CEP85L: variants seen among roughly 807,000 people sequenced by gnomAD.
CEP85L encodes the protein centrosomal protein of 85 kDa-like.
Under a neutral mutation model 100.3 loss-of-function variants are expected in CEP85L, and 60 were observed. The observed-to-expected ratio is 0.60, with a 90% confidence interval of 0.49 to 0.74. CEP85L has a LOEUF of 0.74. Among genes scored for constraint, CEP85L ranks in the 30% least tolerant of loss-of-function variants. The probability of loss-of-function intolerance (pLI) is 0.00; values close to 1 mark genes in which losing one functional copy is unlikely to be tolerated. For missense variants in CEP85L, 973 were observed against 936.2 expected (o/e 1.04, Z -0.51); for synonymous variants, 319 against 322.7 (o/e 0.99, Z 0.12).
At chr6:118,653,234 T>C (rs2115392898), upstream of CEP85L, among the ~76,000 whole-genome samples, 1 of 152,310 alleles carries the variant, frequency 6.6e-6, no homozygotes, top group Non-Finnish European at 1.5e-5. Context: ...GGTGAAAGTA[T>C]CTAAAATATT....
At chr6:118,606,854 A>G (rs1045982252) in intron 2 of CEP85L, among the ~76,000 whole-genome samples, 3 of 152,188 alleles carry the variant, frequency 2.0e-5, no homozygotes, top group Non-Finnish European at 4.4e-5. Flanking sequence ...TTTTGCATTA[A>G]TCAAAACTTT....
intron 10 of CEP85L, among the ~76,000 whole-genome samples, chr6:118,475,401 T>A (rs1032582225): frequency 7.7e-5 from 11 of 143,626 alleles, no homozygotes; most frequent in African/African-American, 2.6e-4. Flanking sequence ...TCCCCCAGGC[T>A]GGAGGACAGT....
intron 1 of CEP85L, among the ~76,000 whole-genome samples, chr6:118,694,421 A>G (rs1209451437): frequency 6.6e-6 from 1 of 152,246 alleles, no homozygotes; most frequent in Non-Finnish European, 1.5e-5. Flanking sequence ...CCAATTTAAA[A>G]TACATTTTTC....
chr6:118,502,165 G>A, intron 5 of CEP85L: 2 of 1,123,966 alleles, frequency 1.8e-6, no homozygotes, highest in Non-Finnish European at 2.5e-6. Flanking sequence ...GGGGTTCAAA[G>A]AGGATAAAAG....
chr6:118,537,933 G>C, intron 3 of CEP85L: 1 of 975,622 alleles, frequency 1.0e-6, no homozygotes. Flanking sequence ...TTTCTGGTAA[G>C]AGTCATACCT....
At chr6:118,508,583 G>A (rs908114742) in intron 5 of CEP85L, among the ~76,000 whole-genome samples, 1 of 152,064 alleles carries the variant, frequency 6.6e-6, no homozygotes, top group African/African-American at 2.4e-5. Flanking sequence ...ATGAGACTGA[G>A]TGATATCTAC....
chr6:118,554,113 C>A (rs2114942913), intron 3 of CEP85L, among the ~76,000 whole-genome samples: 2 of 152,176 alleles, frequency 1.3e-5, no homozygotes, highest in Admixed American at 1.3e-4. Flanking sequence ...CACAGTGAAA[C>A]CCTGTCCCTA....
intron 1 of CEP85L, among the ~76,000 whole-genome samples, chr6:118,668,125 A>G (rs1193623964): frequency 6.6e-6 from 1 of 152,224 alleles, no homozygotes; most frequent in Non-Finnish European, 1.5e-5. Context: ...TCTGACTTTT[A>G]GGAAGACAGA....
intron 1 of CEP85L, chr6:118,646,897 A>G (rs1180213107): frequency 1.0e-6 from 1 of 980,072 alleles, no homozygotes; most frequent in East Asian, 1.1e-4. Flanking sequence ...AATAGAGGTT[A>G]TCAACTCACC....
chr6:118,524,131 G>GACA (rs1414812081), intron 3 of CEP85L, among the ~76,000 whole-genome samples: 1 of 152,086 alleles, frequency 6.6e-6, no homozygotes, highest in Non-Finnish European at 1.5e-5. Flanking sequence ...AAGAATTAAT[G>GACA]ACAACAGAAC....
intron 5 of CEP85L, among the ~76,000 whole-genome samples, chr6:118,500,542 C>T (rs934308621): frequency 2.3e-4 from 17 of 73,512 alleles, no homozygotes; most frequent in African/African-American, 8.3e-4. Context: ...CTCTCTTTCT[C>T]GTTATCTCTT....
intron 1 of CEP85L, among the ~76,000 whole-genome samples, chr6:118,683,657 A>C (rs2114269512): frequency 6.6e-6 from 1 of 152,344 alleles, no homozygotes; most frequent in South Asian, 2.1e-4. Context: ...TTTTCTTACT[A>C]AGAAGTGATT....
intron 3 of CEP85L, among the ~76,000 whole-genome samples, chr6:118,553,999 A>T (rs13192336): frequency 0.46 from 70,597 of 152,068 alleles, 16,902 homozygotes; most frequent in Middle Eastern, 0.58. Context: ...CATTATTTTT[A>T]AAATTGTTTA....
intron 1 of CEP85L, among the ~76,000 whole-genome samples, chr6:118,702,989 C>G (rs1777466556): frequency 1.7e-5 from 2 of 116,680 alleles, no homozygotes; most frequent in South Asian, 5.5e-4. Flanking sequence ...AAGAGAGACT[C>G]TGTCTCAAAA....
At chr6:118,507,003 C>T (rs776940036) in intron 5 of CEP85L, among the ~76,000 whole-genome samples, 3 of 152,064 alleles carry the variant, frequency 2.0e-5, no homozygotes, top group Non-Finnish European at 4.4e-5. Flanking sequence ...TGCACAAATC[C>T]TCCCTTGGAA....
Position 118,469,171 on chromosome 6 carries a change from T to C in CEP85L, c.2155A>G (p.Met719Val). ...TTCAAGTCAAACAAACAACAGGACA[T>C]TTCCTTGAACAGCTGATCAATCACA... ...LTVIDQLFKE[M>V]SCCLFDLKAL... Residue 719 changes from methionine (M) to valine (V), a missense_variant, in exon 12 of 13, where the codon ATG (methionine) becomes GTG (valine). Transcript: ENST00000368491. 1.2e-6 allele frequency: 2 copies of C among 1,614,080 alleles called. No individual in the cohort carries two copies. Among genetic ancestry groups the C allele is most frequent in the South Asian group, 2.2e-5 (2 of 91,086 alleles).
chr6:118,647,691 G>A (rs1025359397), intron 1 of CEP85L, among the ~76,000 whole-genome samples: 3 of 152,052 alleles, frequency 2.0e-5, no homozygotes, highest in Non-Finnish European at 4.4e-5. Context: ...AATTATTTAC[G>A]AAAAGGAACA....
At chr6:118,492,038 ATTAC>A (rs1486809057) in intron 5 of CEP85L, among the ~76,000 whole-genome samples, 173 bp from the exon 6 acceptor site, 1 of 152,054 alleles carries the variant, frequency 6.6e-6, no homozygotes, top group Non-Finnish European at 1.5e-5. Flanking sequence ...ATTAAAGTAA[ATTAC>A]TTACCTTCTC....
intron 2 of CEP85L, among the ~76,000 whole-genome samples, chr6:118,567,249 G>GTGTGTATA (rs1173790079): frequency 4.6e-5 from 2 of 43,778 alleles, no homozygotes; most frequent in Non-Finnish European, 4.4e-5. Flanking sequence ...GTGTGTGTGT[G>GTGTGTATA]TATATATATA....
Sources: allele counts gnomAD v4.1 joint callset (sites outside exome capture counted in the v4.1 genomes callset), GRCh38; gene constraint gnomAD v4.1.1; transcripts MANE v1.5; gene names NCBI Gene and HGNC (gene_info 2026-07-23, HGNC 2026-07-21).